Variants in CACNA2D3 observed in about 807,000 individuals in gnomAD.
The protein encoded by CACNA2D3 is calcium voltage-gated channel auxiliary subunit alpha2delta 3.
CACNA2D3 carries 60 observed loss-of-function variants against 160.6 expected under a neutral mutation model. That is an observed-to-expected ratio of 0.37 (90% CI 0.30 to 0.46). The LOEUF (loss-of-function observed/expected upper bound fraction) is 0.46. Among genes scored for constraint, CACNA2D3 ranks in the 20% least tolerant of loss-of-function variants. The pLI is 1.00. For missense variants in CACNA2D3, 1,205 were observed against 1,365.0 expected, an observed-to-expected ratio of 0.88 and a Z score of 1.85; for synonymous variants, 558 against 492.9, an observed-to-expected ratio of 1.13 and a Z score of -1.75.
chr3:54,207,277 C>T (rs1438752013), intron 2 of CACNA2D3, among the ~76,000 whole-genome samples: 4 of 150,588 alleles, frequency 2.7e-5, no homozygotes, highest in Non-Finnish European at 4.4e-5. Context: ...GAGACGTGTG[C>T]TAGGGTCTTC....
chr3:54,800,835 G>A (rs1702968526), intron 13 of CACNA2D3, among the ~76,000 whole-genome samples: 1 of 152,126 alleles, frequency 6.6e-6, no homozygotes. Flanking sequence ...CTGGTGTGGT[G>A]GACGGTGTGG....
chr3:54,486,939 T>C (rs1701024653), intron 4 of CACNA2D3, among the ~76,000 whole-genome samples: 2 of 152,104 alleles, frequency 1.3e-5, no homozygotes, highest in South Asian at 4.1e-4. Flanking sequence ...CCTGACAACA[T>C]GGTAGAGAGA....
At chr3:54,244,589 T>C (rs1402191328) in intron 2 of CACNA2D3, among the ~76,000 whole-genome samples, 1 of 152,118 alleles carries the variant, frequency 6.6e-6, no homozygotes, top group African/African-American at 2.4e-5. Context: ...TGTTGACTGA[T>C]TGGCTGAAGA....
rs542742215 is a variant in CACNA2D3, at chr3:54,665,214, G to A, written c.1167+22973G>A. Among the ~76,000 whole-genome samples the A allele has an allele frequency of 1.6e-4, 24 of 152,300 alleles. No homozygotes were observed. In the South Asian group the frequency reaches 3.7e-3, roughly 24 times the overall value. Reference sequence around the variant, plus strand: ...TTTGGTTCCTTTCTAGCAGGGAATCGTAAAATTAAAAGGGAGCTTGATAGA... The same window carrying A: ...TTTGGTTCCTTTCTAGCAGGGAATCATAAAATTAAAAGGGAGCTTGATAGA... On this transcript the variant is annotated intron_variant, in intron 11 of 37. Coordinates refer to ENST00000474759, the MANE Select transcript of CACNA2D3 (RefSeq NM_018398.3).
intron 3 of CACNA2D3, among the ~76,000 whole-genome samples, chr3:54,343,501 C>A (rs2107527366): frequency 6.6e-6 from 1 of 152,264 alleles, no homozygotes; most frequent in Non-Finnish European, 1.5e-5. Context: ...CCAGGCTGGT[C>A]TCAAACTCCA....
chr3:54,959,492 T>C (rs1701980335), intron 27 of CACNA2D3, among the ~76,000 whole-genome samples: 1 of 148,106 alleles, frequency 6.8e-6, no homozygotes, highest in East Asian at 2.1e-4. Context: ...AACTCAGAGA[T>C]GTTTGGCAAC....
rs549286233 is a variant in CACNA2D3 at position 54,505,834 on chromosome 3, C to T, written c.544+2180C>T. Among the ~76,000 whole-genome samples the T allele has an allele frequency of 6.6e-5, 10 of 152,312 alleles. No individual in the cohort carries two copies. In the South Asian group the frequency reaches 1.7e-3, roughly 25 times the overall value. ...ATTGTGCCTTTTAATGGTAGTAACA[C>T]GTAAGGGACCCACACCACCACTGAT... On this transcript the variant is annotated intron_variant, in intron 5 of 37. Transcript: ENST00000474759.
chr3:54,928,954 C>T (rs2106951016), intron 27 of CACNA2D3, among the ~76,000 whole-genome samples: 1 of 152,250 alleles, frequency 6.6e-6, no homozygotes, highest in East Asian at 1.9e-4. Flanking sequence ...AAATCCCCTG[C>T]CATTTGCTGA....
chr3:55,071,552 T>TTAAA (rs1445180174), intron 35 of CACNA2D3, among the ~76,000 whole-genome samples: 1 of 152,054 alleles, frequency 6.6e-6, no homozygotes, highest in Non-Finnish European at 1.5e-5. Context: ...CAGAACTTCT[T>TTAAA]TAAATATTTT....
chr3:54,526,475 C>T (rs1211860373), intron 5 of CACNA2D3, among the ~76,000 whole-genome samples: 1 of 152,116 alleles, frequency 6.6e-6, no homozygotes, highest in Non-Finnish European at 1.5e-5. Context: ...GTTTCAGCCT[C>T]TGGGGTTCGT....
chr3:54,915,929 A>G (rs1181601290), intron 27 of CACNA2D3, among the ~76,000 whole-genome samples: 6 of 152,196 alleles, frequency 3.9e-5, no homozygotes, highest in Admixed American at 3.9e-4. Context: ...CTAAAAGGAT[A>G]TAAGTGTTGA....
intron 2 of CACNA2D3, among the ~76,000 whole-genome samples, chr3:54,186,713 T>G (rs1224901743): frequency 6.6e-6 from 1 of 151,766 alleles, no homozygotes; most frequent in Non-Finnish European, 1.5e-5. Flanking sequence ...ATGATATCTC[T>G]CCTTCCTTAT....
At chr3:54,282,332 A>G (rs1702899684) in intron 2 of CACNA2D3, among the ~76,000 whole-genome samples, 1 of 152,220 alleles carries the variant, frequency 6.6e-6, no homozygotes, top group Non-Finnish European at 1.5e-5. Flanking sequence ...TTGAATAAAT[A>G]CAAGCTCATG....
intron 11 of CACNA2D3, among the ~76,000 whole-genome samples, chr3:54,667,331 C>T (rs1299468687): frequency 6.6e-6 from 1 of 152,102 alleles, no homozygotes; most frequent in African/African-American, 2.4e-5. Flanking sequence ...ATGACACCTG[C>T]GGGCCAGTTT....
At chr3:54,156,250 T>C (rs1700241238) in intron 2 of CACNA2D3, among the ~76,000 whole-genome samples, 1 of 152,134 alleles carries the variant, frequency 6.6e-6, no homozygotes, top group Non-Finnish European at 1.5e-5. Context: ...ATAAAGGGTG[T>C]GCTATCAAGC....
intron 2 of CACNA2D3, among the ~76,000 whole-genome samples, chr3:54,214,454 A>G (rs1701427658): frequency 1.3e-5 from 2 of 152,156 alleles, no homozygotes; most frequent in African/African-American, 4.8e-5. Context: ...TCCCTAAGGG[A>G]CAAGATCTGG....
At chr3:54,578,494 G>A (rs73841667) in intron 8 of CACNA2D3, among the ~76,000 whole-genome samples, 4,178 of 152,340 alleles carry the variant, frequency 0.027, 167 homozygotes, top group African/African-American at 0.096. Flanking sequence ...GGTCCCCCTC[G>A]GGAGGAGCCG....
intron 11 of CACNA2D3, among the ~76,000 whole-genome samples, chr3:54,700,620 A>G (rs1700750697): frequency 6.6e-6 from 1 of 152,232 alleles, no homozygotes; most frequent in Admixed American, 6.5e-5. Flanking sequence ...TTTAATATGT[A>G]TGGTTATAGC....
chr3:54,987,561 C>G, intron 30 of CACNA2D3, 122 bp from the exon 31 acceptor site: 1 of 584,898 alleles, frequency 1.7e-6, no homozygotes, highest in Non-Finnish European at 3.0e-6. Context: ...TTTCCACTTT[C>G]CTGAAAACCT....
Sources: gnomAD v4.1 joint callset for allele counts (sites outside exome capture counted in the v4.1 genomes callset) on GRCh38, gnomAD v4.1.1 for gene constraint, MANE v1.5 for transcripts, NCBI Gene and HGNC (gene_info 2026-07-23, HGNC 2026-07-21) for gene names.